Variants in ELP1 observed in about 807,000 individuals in gnomAD.
ELP1 encodes the protein elongator complex protein 1.
ELP1 carries 131 observed loss-of-function variants against 183.2 expected under a neutral mutation model. The ratio of observed to expected loss-of-function variants is 0.72; its 90% CI spans 0.62 to 0.83. The LOEUF (loss-of-function observed/expected upper bound fraction) is 0.83, where lower values mean the gene tolerates loss of function less well. ELP1 is among the 40% of genes least tolerant of loss of function. The pLI, the probability that ELP1 is intolerant of heterozygous loss-of-function variation, is 0.00. For synonymous variants in ELP1, 555 were observed against 569.0 expected (o/e 0.98, Z 0.35); for missense variants, 1,550 against 1,594.9 (o/e 0.97, Z 0.48).
At chr9:108,909,236 T>C (rs1285591623) in intron 12 of ELP1, among the ~76,000 whole-genome samples, 1 of 152,110 alleles carries the variant, frequency 6.6e-6, no homozygotes, top group East Asian at 1.9e-4. Context: ...CCACAGCACT[T>C]GCCATCTGAT....
intron 1 of ELP1, among the ~76,000 whole-genome samples, chr9:108,933,228 T>C (rs552946268): frequency 2.0e-5 from 3 of 152,208 alleles, no homozygotes; most frequent in Non-Finnish European, 4.4e-5. Context: ...TTCTACTCTA[T>C]GTCCCCAAGC....
intron 13 of ELP1, among the ~76,000 whole-genome samples, 191 bp downstream of exon 13, chr9:108,908,114 T>A (rs147419824): frequency 3.4e-4 from 52 of 152,332 alleles, no homozygotes; most frequent in African/African-American, 1.2e-3. Context: ...CTGCTACCTA[T>A]CAAATTATAT....
In ELP1 at chr9:108,901,441, C is replaced by T; in HGVS notation, c.1998G>A (p.Arg666=). The change falls in exon 18 of 37, where the codon AGG becomes AGA. Residue 666 remains arginine, a synonymous_variant. Coordinates refer to ENST00000374647, the MANE Select transcript of ELP1 (RefSeq NM_003640.5). The part of the protein sequence containing the change: ...HSHTCQCFCL[R]DASFKTLQAG... ...AAAACTTACTTTTAAATGAAGCATCCCTCAGGCAAAAACACTGGCAGGTAT... is the reference window on the plus strand; with the variant it reads ...AAAACTTACTTTTAAATGAAGCATCTCTCAGGCAAAAACACTGGCAGGTAT... 1.2e-6 allele frequency: 2 copies of T among 1,612,046 alleles called. No homozygotes were observed. Among genetic ancestry groups the T allele is most frequent in the Non-Finnish European group, 1.7e-6 (2 of 1,178,144 alleles).
chr9:108,917,747 T>C (rs1273434780), intron 8 of ELP1, 77 bp from the exon 9 acceptor site: 2 of 1,485,060 alleles, frequency 1.3e-6, no homozygotes, highest in African/African-American at 1.4e-5. Context: ...AAGAGTTTTT[T>C]TTCCAGCAAA....
chr9:108,915,400 T>G (rs1350320246), intron 10 of ELP1, among the ~76,000 whole-genome samples: 1 of 152,102 alleles, frequency 6.6e-6, no homozygotes, highest in Admixed American at 6.5e-5. Flanking sequence ...TGTGGGAAGG[T>G]CCCATTCATT....
rs1829498017 is a variant in ELP1 at position 108,917,656 on chromosome 9, A to T, written c.755T>A (p.Leu252Ter). The T allele has an allele frequency of 6.2e-7, 1 of 1,612,756 alleles. No individual in the cohort carries two copies. The highest frequency in any genetic ancestry group is 8.5e-7 in the Non-Finnish European group (1 of 1,179,638). Residue 252 changes from leucine to a stop codon, truncating the protein, a stop_gained, in exon 9 of 37, where the codon TTG (leucine) becomes TAG (stop). Coordinates refer to ENST00000374647, the MANE Select transcript of ELP1 (RefSeq NM_003640.5). LOFTEE classifies it high-confidence loss of function. ...GGGTTTATCTTGTGTAGATGCAATCAAACTGCCTGAGGGTCTTAAAGCAAA... is the reference window on the plus strand; with the variant it reads ...GGGTTTATCTTGTGTAGATGCAATCTAACTGCCTGAGGGTCTTAAAGCAAA... ...PALAWKPSGS[L>*]IASTQDKPNQ...
At chr9:108,909,735 G>A (rs1829143158) in intron 12 of ELP1, among the ~76,000 whole-genome samples, 3 of 152,112 alleles carry the variant, frequency 2.0e-5, no homozygotes, top group Admixed American at 6.5e-5. Context: ...TCTGCCTCCA[G>A]GTGCCCCTGA....
chr9:108,882,078 T>C, intron 30 of ELP1, 47 bp downstream of exon 30: 1 of 1,508,538 alleles, frequency 6.6e-7, no homozygotes, highest in Middle Eastern at 1.7e-4. Flanking sequence ...CCTTGCTTGC[T>C]CTCTCTGCTT....
At chr9:108,881,670 CA>C in intron 31 of ELP1, 34 bp downstream of exon 31, 1 of 1,343,360 alleles carries the variant, frequency 7.4e-7, no homozygotes. Flanking sequence ...CACCTTCTTC[CA>C]AATGAGGAAT....
At chr9:108,922,801 T>TC in intron 6 of ELP1, 41 bp downstream of exon 6, 1 of 1,473,126 alleles carries the variant, frequency 6.8e-7, no homozygotes, top group South Asian at 1.1e-5. Context: ...AAACTTACAT[T>TC]TGTTCCAGTC....
Position 108,922,886 on chromosome 9 carries a change from ACTGTGTCTC to A in ELP1, c.499_507del (p.Glu167_Gln169del). 1 of 1,614,096 alleles carries A rather than the reference ACTGTGTCTC, an allele frequency of 6.2e-7. No homozygotes were observed. The highest frequency in any genetic ancestry group is 8.5e-7 in the Non-Finnish European group (1 of 1,179,932). On this transcript the variant is annotated inframe_deletion, in exon 6 of 37. Transcript: ENST00000374647. ...GCTTGTCTGCCTTCTGATCCATGGA[ACTGTGTCTC>A]CTTCCTACCCCATCCAACAGTGATA...
intron 12 of ELP1, 63 bp from the exon 13 acceptor site, chr9:108,908,467 G>A (rs2132008096): frequency 1.6e-6 from 2 of 1,213,534 alleles, no homozygotes; most frequent in Admixed American, 3.5e-5. Context: ...ATACTAAGGG[G>A]ATGGTGTCTG....
intron 14 of ELP1, among the ~76,000 whole-genome samples, chr9:108,904,830 C>T (rs138784670): frequency 6.4e-4 from 98 of 152,254 alleles, no homozygotes; most frequent in African/African-American, 2.2e-3. Context: ...TAAACTAAAT[C>T]GAGGGACTTT....
chr9:108,923,703 A>G (rs1022450921), intron 5 of ELP1, among the ~76,000 whole-genome samples: 5 of 152,318 alleles, frequency 3.3e-5, no homozygotes, highest in East Asian at 1.9e-4. Context: ...CTAATGGTGG[A>G]GCCAAAAGTT....
chr9:108,890,193 G>A (rs937301886), intron 28 of ELP1, among the ~76,000 whole-genome samples: 4 of 152,078 alleles, frequency 2.6e-5, no homozygotes, highest in African/African-American at 4.8e-5. Flanking sequence ...AATGGAGACC[G>A]AACGAATAAC....
At chr9:108,918,568 A>G (rs112777178) in intron 8 of ELP1, among the ~76,000 whole-genome samples, 9 of 152,104 alleles carry the variant, frequency 5.9e-5, no homozygotes, top group African/African-American at 2.2e-4. Context: ...TGCAAAATAT[A>G]TGCGGCCTTG....
chr9:108,893,596 C>A (rs1828424471), intron 26 of ELP1, among the ~76,000 whole-genome samples: 1 of 152,120 alleles, frequency 6.6e-6, no homozygotes, highest in South Asian at 2.1e-4. Flanking sequence ...ATCACTCTCT[C>A]CAGACAAGCA....
At chr9:108,883,315 C>T (rs1021996150) in intron 29 of ELP1, among the ~76,000 whole-genome samples, 2 of 152,148 alleles carry the variant, frequency 1.3e-5, no homozygotes, top group Non-Finnish European at 2.9e-5. Flanking sequence ...AGGTGCACAC[C>T]GCCATGCCTG....
rs745599497 is a variant in ELP1, at chr9:108,882,023, T to C, written c.3285+102A>G. The C allele has an allele frequency of 4.1e-6, 4 of 971,292 alleles. No individual in the cohort carries two copies. The African/African-American group carries it at 4.8e-5, about 12-fold the overall frequency. 60.2% of individuals were successfully genotyped at this position (971,292 alleles called of 1,614,324 possible). ...CAGGAACCTGACCTATTTCTACTTA[T>C]TTCATGAACCTCAGAAGACAAGAGA... is the stretch of plus-strand genomic sequence containing the variant. On this transcript the variant is annotated intron_variant, in intron 30 of 36. Coordinates refer to ENST00000374647, the MANE Select transcript of ELP1 (RefSeq NM_003640.5).
Sources: allele counts gnomAD v4.1 joint callset (sites outside exome capture counted in the v4.1 genomes callset), GRCh38; gene constraint gnomAD v4.1.1; transcripts MANE v1.5; gene names NCBI Gene and HGNC (gene_info 2026-07-23, HGNC 2026-07-21).